GRIK3: variants seen among roughly 807,000 people sequenced by gnomAD.
GRIK3 encodes glutamate receptor ionotropic, kainate 3.
In GRIK3, 29 loss-of-function variants were observed where a neutral mutation model predicts 102.5. That is an observed-to-expected ratio of 0.28 (90% confidence interval 0.21 to 0.39). The LOEUF (loss-of-function observed/expected upper bound fraction) is 0.39, where lower values mean the gene tolerates loss of function less well. Ranked by LOEUF, GRIK3 falls within the 10% of genes least tolerant of loss-of-function variation. The pLI, the probability that GRIK3 is intolerant of heterozygous loss-of-function variation, is 1.00. For synonymous variants in GRIK3, 511 were observed against 504.9 expected, an observed-to-expected ratio of 1.01 and a Z score of -0.16; for missense variants, 908 against 1,252.4, an observed-to-expected ratio of 0.73 and a Z score of 4.15.
chr1:36,806,423 C>T lies in GRIK3; in HGVS notation c.2092-97G>A. 1 of 693,908 alleles carries T rather than the reference C, an allele frequency of 1.4e-6. No homozygotes were observed. Among genetic ancestry groups the T allele is most frequent in the Non-Finnish European group, 2.5e-6 (1 of 402,430 alleles). 43.0% of individuals were successfully genotyped at this position (693,908 alleles called of 1,614,324 possible). A position where few individuals can be genotyped will look rare whatever the true frequency, so the allele number is the denominator to read the frequency against. On this transcript the variant is annotated intron_variant, in intron 13 of 15. Transcript: ENST00000373091. This position sits in a 1 kb window ranked among gnomAD's most constrained non-coding sequence, Gnocchi z 4.0. ...GCACAACGTGGGTTGGGGCCTTGAA[C>T]TCGGTCTACAATCTTCAGAGAAAGG...
In GRIK3 at chr1:36,860,860, C is replaced by T. The variant is rs1007893202; in HGVS notation, c.787-843G>A. 3.9e-5 allele frequency among the ~76,000 whole-genome samples: 6 copies of T among 152,182 alleles called. 1 individual carries two copies. Among genetic ancestry groups the T allele is most frequent in the South Asian group, 4.1e-4 (2 of 4,824 alleles). ...ACCTGGAAATCAGGCAGAAGGGTAGCGGTGCGTTTTTCCAACATGACAATG... is the reference window on the plus strand; with the variant it reads ...ACCTGGAAATCAGGCAGAAGGGTAGTGGTGCGTTTTTCCAACATGACAATG... On this transcript the variant is annotated intron_variant, in intron 5 of 15. Coordinates refer to ENST00000373091, the MANE Select transcript of GRIK3 (RefSeq NM_000831.4).
chr1:37,019,033 C>T (rs755731513), intron 1 of GRIK3, among the ~76,000 whole-genome samples: 7 of 152,062 alleles, frequency 4.6e-5, no homozygotes, highest in African/African-American at 7.2e-5. Flanking sequence ...AATCCACGGA[C>T]GAGATGGATT....
At chr1:37,009,661 G>A (rs1161790927) in intron 1 of GRIK3, among the ~76,000 whole-genome samples, 1 of 152,192 alleles carries the variant, frequency 6.6e-6, no homozygotes, top group African/African-American at 2.4e-5. Flanking sequence ...TCAGGGAAAT[G>A]TCAGACTCTT....
At chr1:37,028,923 A>G (rs1642791548) in intron 1 of GRIK3, among the ~76,000 whole-genome samples, 1 of 152,208 alleles carries the variant, frequency 6.6e-6, no homozygotes, top group African/African-American at 2.4e-5. Context: ...TACCCACACT[A>G]TGAGTCATTG....
chr1:36,951,855 G>C (rs1444832061), intron 1 of GRIK3, among the ~76,000 whole-genome samples: 1 of 152,014 alleles, frequency 6.6e-6, no homozygotes, highest in Non-Finnish European at 1.5e-5. Flanking sequence ...AGGTTGGAGG[G>C]CGGAGGGGCG....
chr1:36,861,381 G>A (rs1271916641), intron 5 of GRIK3, among the ~76,000 whole-genome samples: 1 of 152,086 alleles, frequency 6.6e-6, no homozygotes, highest in Non-Finnish European at 1.5e-5. Flanking sequence ...CCCTCACTAA[G>A]CTGCCCTCCT....
At chr1:36,942,195 C>T (rs905128857) in intron 1 of GRIK3, among the ~76,000 whole-genome samples, 12 of 152,204 alleles carry the variant, frequency 7.9e-5, no homozygotes, top group African/African-American at 2.9e-4. Flanking sequence ...TGCAGCAGCA[C>T]ACATTGAATT....
intron 1 of GRIK3, among the ~76,000 whole-genome samples, chr1:36,994,191 T>C (rs1487866157): frequency 1.3e-5 from 2 of 152,168 alleles, no homozygotes; most frequent in East Asian, 1.9e-4. Flanking sequence ...CTCAGTTCGG[T>C]GACCTAAAAT....
At chr1:36,962,678 A>T (rs1642025888) in intron 1 of GRIK3, among the ~76,000 whole-genome samples, 1 of 151,766 alleles carries the variant, frequency 6.6e-6, no homozygotes, top group Non-Finnish European at 1.5e-5. Context: ...ACAGAAGTGA[A>T]CAAAAAGTCA....
In GRIK3 at chr1:36,896,596, T is replaced by C. The variant is rs1164385235; in HGVS notation, c.116-5500A>G. On this transcript the variant is annotated intron_variant, in intron 1 of 15. Coordinates refer to ENST00000373091, the MANE Select transcript of GRIK3 (RefSeq NM_000831.4). Reference sequence around the variant, plus strand: ...GCAGAAAAGGGCTGGAAGGCAAAAATAGAAACAAAGAACAAGGGCAACAAA... The same window carrying C: ...GCAGAAAAGGGCTGGAAGGCAAAAACAGAAACAAAGAACAAGGGCAACAAA... 2.6e-5 allele frequency among the ~76,000 whole-genome samples: 4 copies of C among 151,874 alleles called. No individual in the cohort carries two copies. The South Asian group carries it at 6.2e-4, about 24-fold the overall frequency.
chr1:37,014,581 C>T (rs1557463797), intron 1 of GRIK3, among the ~76,000 whole-genome samples: 1 of 152,252 alleles, frequency 6.6e-6, no homozygotes, highest in Non-Finnish European at 1.5e-5. Context: ...GAGCCCCACT[C>T]TGTGCCAGGC....
rs371968463 is a variant in GRIK3 at position 36,809,428 on chromosome 1, C to T, written c.2092-3102G>A. ...CTATCCATCCCCCAATCATCCATCC[C>T]TTTCTCCTTCTCACCCATCTTACCC... On this transcript the variant is annotated intron_variant, in intron 13 of 15. Transcript: ENST00000373091. Among the ~76,000 whole-genome samples, 6 of 152,298 alleles carry T rather than the reference C, an allele frequency of 3.9e-5. No homozygotes were observed. The East Asian group carries it at 1.2e-3, about 29-fold the overall frequency.
chr1:36,934,117 C>T (rs981879485), intron 1 of GRIK3, among the ~76,000 whole-genome samples: 1 of 152,134 alleles, frequency 6.6e-6, no homozygotes, highest in Non-Finnish European at 1.5e-5. Flanking sequence ...GTAGGTGGGA[C>T]AAGTCTTCCC....
intron 1 of GRIK3, among the ~76,000 whole-genome samples, chr1:37,028,191 G>A (rs1304543228): frequency 3.3e-5 from 5 of 152,152 alleles, no homozygotes; most frequent in Non-Finnish European, 7.3e-5. Context: ...CCTGGGTGAG[G>A]AGGATGGAGG....
At chr1:36,958,492 A>T (rs1171898235) in intron 1 of GRIK3, among the ~76,000 whole-genome samples, 1 of 130,520 alleles carries the variant, frequency 7.7e-6, no homozygotes, top group Non-Finnish European at 1.6e-5. Flanking sequence ...GTGCTCTGTG[A>T]GTCTGTGCTC....
chr1:36,820,768 T>G (rs1642688096), intron 11 of GRIK3, among the ~76,000 whole-genome samples: 1 of 152,362 alleles, frequency 6.6e-6, no homozygotes, highest in Non-Finnish European at 1.5e-5. Context: ...ATGCGTTATA[T>G]AATTTTTTAG....
At chr1:36,867,800 A>G (rs547303707) in intron 5 of GRIK3, among the ~76,000 whole-genome samples, 1 of 152,156 alleles carries the variant, frequency 6.6e-6, no homozygotes, top group Non-Finnish European at 1.5e-5. Flanking sequence ...GCTTGTGATT[A>G]AACCCCCTCT....
chr1:36,857,220 G>A (rs762710343), intron 7 of GRIK3, among the ~76,000 whole-genome samples: 6 of 152,146 alleles, frequency 3.9e-5, no homozygotes, highest in Non-Finnish European at 7.3e-5. Context: ...CAATAGGATC[G>A]AGGTGTGGCC....
intron 1 of GRIK3, among the ~76,000 whole-genome samples, chr1:36,955,238 G>C (rs941039235): frequency 6.6e-6 from 1 of 152,162 alleles, no homozygotes; most frequent in South Asian, 2.1e-4. Context: ...TAAGGGTAGG[G>C]CCTGGCATGG....
Sources: allele counts gnomAD v4.1 joint callset (sites outside exome capture counted in the v4.1 genomes callset), GRCh38; gene constraint gnomAD v4.1.1; non-coding constraint Gnocchi (gnomAD v3.1); transcripts MANE v1.5; gene names NCBI Gene and HGNC (gene_info 2026-07-23, HGNC 2026-07-21).